Variants in DZIP3 observed in about 807,000 individuals in gnomAD.
DZIP3 encodes the protein DAZ interacting zinc finger protein 3.
A neutral mutation model predicts 162.0 loss-of-function variants in DZIP3; 118 were observed. That is an observed-to-expected ratio of 0.73 (90% CI 0.63 to 0.85). DZIP3 has a LOEUF of 0.85. Among genes scored for constraint, DZIP3 ranks in the 40% least tolerant of loss-of-function variants. The probability of loss-of-function intolerance (pLI) is 0.00; values close to 1 mark genes in which losing one functional copy is unlikely to be tolerated. For synonymous variants in DZIP3, 438 were observed against 458.6 expected, an observed-to-expected ratio of 0.96 and a Z score of 0.57; for missense variants, 1,331 against 1,407.0, an observed-to-expected ratio of 0.95 and a Z score of 0.86.
chr3:108,617,905 A>T (rs561015562), intron 5 of DZIP3, among the ~76,000 whole-genome samples: 1 of 152,222 alleles, frequency 6.6e-6, no homozygotes, highest in Non-Finnish European at 1.5e-5. Context: ...TACTTCAAAG[A>T]TGAGTCTTAG....
intron 1 of DZIP3, among the ~76,000 whole-genome samples, chr3:108,595,508 C>T (rs555985350): frequency 6.6e-6 from 1 of 152,132 alleles, no homozygotes; most frequent in Non-Finnish European, 1.5e-5. Flanking sequence ...AGCCACCACA[C>T]CCACCTGTAA....
In DZIP3 at chr3:108,611,348, A is replaced by G; in HGVS notation, c.258+19A>G. The stretch of plus-strand genomic sequence containing the variant: ...TATGCAGGTAACGTCATAAGTTGTT[A>G]TTTGGGGCAGAAGTGCAGCTGTCTG... On this transcript the variant is annotated intron_variant, in intron 4 of 32. Transcript: ENST00000361582. 6.2e-7 allele frequency: 1 copy of G among 1,610,274 alleles called. No homozygotes were observed. The highest frequency in any genetic ancestry group is 8.5e-7 in the Non-Finnish European group (1 of 1,178,700).
In DZIP3 at chr3:108,692,244, C is replaced by G. The variant is rs535473936; in HGVS notation, c.*7-1116C>G. Among the ~76,000 whole-genome samples the G allele has an allele frequency of 4.6e-5, 7 of 152,114 alleles. No individual in the cohort carries two copies. The East Asian group carries it at 7.7e-4, about 17-fold the overall frequency. On this transcript the variant is annotated intron_variant, in intron 32 of 32. Coordinates refer to ENST00000361582, the MANE Select transcript of DZIP3 (RefSeq NM_014648.4). Reference sequence around the variant, plus strand: ...ATTTTTTTTCTGCCCCTGCTTGGCACATGACAGAACATGGGCATAGACAGA... The same window carrying G: ...ATTTTTTTTCTGCCCCTGCTTGGCAGATGACAGAACATGGGCATAGACAGA...
intron 26 of DZIP3, among the ~76,000 whole-genome samples, chr3:108,678,242 A>G (rs1352083321): frequency 2.0e-5 from 3 of 151,808 alleles, no homozygotes; most frequent in African/African-American, 7.3e-5. Flanking sequence ...GCTCCCACTA[A>G]TTCTACATTA....
chr3:108,600,887 A>T (rs1161736427), intron 1 of DZIP3, among the ~76,000 whole-genome samples: 1 of 152,016 alleles, frequency 6.6e-6, no homozygotes. Context: ...TTTGACACAC[A>T]CTCTGCTTTG....
intron 8 of DZIP3, among the ~76,000 whole-genome samples, chr3:108,632,613 A>G (rs916065803): frequency 5.3e-5 from 8 of 152,188 alleles, no homozygotes; most frequent in African/African-American, 1.9e-4. Flanking sequence ...CTCTGTGTGT[A>G]TATAGTAGAG....
At chr3:108,598,670 A>G (rs1939834444) in intron 1 of DZIP3, among the ~76,000 whole-genome samples, 1 of 152,096 alleles carries the variant, frequency 6.6e-6, no homozygotes. Flanking sequence ...CCCATTCCCT[A>G]TTTGATTACC....
intron 12 of DZIP3, among the ~76,000 whole-genome samples, chr3:108,640,929 A>G (rs1942373780): frequency 6.6e-6 from 1 of 151,816 alleles, no homozygotes; most frequent in Non-Finnish European, 1.5e-5. Context: ...ATACAATATG[A>G]CAATCTCTGC....
chr3:108,681,620 C>G (rs959396103), intron 26 of DZIP3, among the ~76,000 whole-genome samples: 1 of 152,102 alleles, frequency 6.6e-6, no homozygotes, highest in East Asian at 1.9e-4. Context: ...ACTATAAAGA[C>G]ACATGCACAC....
In DZIP3 at chr3:108,677,942, A is replaced by G. The variant is rs530629162; in HGVS notation, c.2883+344A>G. Among the ~76,000 whole-genome samples the G allele has an allele frequency of 2.0e-5, 3 of 152,074 alleles. No individual in the cohort carries two copies. In the East Asian group the frequency reaches 5.8e-4, roughly 30 times the overall value. On this transcript the variant is annotated intron_variant, in intron 26 of 32. Coordinates refer to ENST00000361582, the MANE Select transcript of DZIP3 (RefSeq NM_014648.4). The stretch of plus-strand genomic sequence containing the variant: ...GTTACCACTAGATCAGAGGTCCCCA[A>G]CCTCTGGGCCACGGACCAGTGCACA...
chr3:108,625,251 T>C (rs1009256519), intron 6 of DZIP3, among the ~76,000 whole-genome samples: 2 of 152,164 alleles, frequency 1.3e-5, no homozygotes, highest in African/African-American at 4.8e-5. Context: ...ATGTTGTTTA[T>C]GATTAAGGTG....
intron 1 of DZIP3, among the ~76,000 whole-genome samples, chr3:108,590,900 G>C (rs1320193321): frequency 6.6e-6 from 1 of 152,078 alleles, no homozygotes; most frequent in East Asian, 1.9e-4. Flanking sequence ...CACTTTTCTA[G>C]ACACAATAGA....
intron 15 of DZIP3, 131 bp downstream of exon 15, chr3:108,646,780 C>T: frequency 6.4e-6 from 4 of 623,602 alleles, no homozygotes; most frequent in African/African-American, 2.0e-5. Context: ...CAGTGGCTCA[C>T]GCCTATAATC....
At chr3:108,596,761 TCTAGGCA>T (rs1224314818) in intron 1 of DZIP3, among the ~76,000 whole-genome samples, 1 of 152,218 alleles carries the variant, frequency 6.6e-6, no homozygotes, top group Admixed American at 6.5e-5. Flanking sequence ...CAGGTGCTAT[TCTAGGCA>T]CCAAGGAATG....
At chr3:108,681,849 A>C (rs1576467022) in intron 26 of DZIP3, among the ~76,000 whole-genome samples, 1 of 136,410 alleles carries the variant, frequency 7.3e-6, no homozygotes, top group East Asian at 2.4e-4. Flanking sequence ...CAAACACTGC[A>C]TGTTCTCACT....
intron 1 of DZIP3, among the ~76,000 whole-genome samples, chr3:108,592,573 G>A (rs554035821): frequency 6.6e-6 from 1 of 152,022 alleles, no homozygotes; most frequent in South Asian, 2.1e-4. Context: ...GTGCATGCCT[G>A]TAGTCCCAGC....
intron 1 of DZIP3, among the ~76,000 whole-genome samples, chr3:108,590,986 ATAAG>A (rs1279233430): frequency 1.2e-4 from 18 of 152,338 alleles, no homozygotes; most frequent in African/African-American, 4.1e-4. Context: ...AACACAATAA[ATAAG>A]TAAGGAAAAT....
chr3:108,691,964 C>A (rs2107449731), intron 32 of DZIP3, among the ~76,000 whole-genome samples: 1 of 152,214 alleles, frequency 6.6e-6, no homozygotes, highest in Middle Eastern at 3.4e-3. Context: ...GCCCCAAATT[C>A]TAACCACACT....
At chr3:108,615,431 T>C (rs370111103) in intron 4 of DZIP3, among the ~76,000 whole-genome samples, 8 of 152,330 alleles carry the variant, frequency 5.3e-5, no homozygotes, top group Admixed American at 1.3e-4. Context: ...ACTGTCAGTA[T>C]GTAGACACTA....
Sources: allele counts gnomAD v4.1 joint callset (sites outside exome capture counted in the v4.1 genomes callset), GRCh38; gene constraint gnomAD v4.1.1; transcripts MANE v1.5; gene names NCBI Gene and HGNC (gene_info 2026-07-23, HGNC 2026-07-21).